Variants in GNB1 observed in about 807,000 individuals in gnomAD.
The protein encoded by GNB1 is G protein subunit beta 1.
In GNB1, 2 loss-of-function variants were observed where a neutral mutation model predicts 42.9. That is an observed-to-expected ratio of 0.05 (90% CI 0.02 to 0.15). The LOEUF (loss-of-function observed/expected upper bound fraction) is 0.15, where lower values mean the gene tolerates loss of function less well. Ranked by LOEUF, GNB1 falls within the 10% of genes least tolerant of loss-of-function variation. The pLI, the probability that GNB1 is intolerant of heterozygous loss-of-function variation, is 1.00. For synonymous variants in GNB1, 183 were observed against 174.7 expected, an observed-to-expected ratio of 1.05 and a Z score of -0.38; for missense variants, 193 against 462.2, an observed-to-expected ratio of 0.42 and a Z score of 5.34.
intron 1 of GNB1, among the ~76,000 whole-genome samples, chr1:1,890,079 G>C (rs999101073): frequency 5.9e-5 from 9 of 152,120 alleles, no homozygotes; most frequent in African/African-American, 1.7e-4. Flanking sequence ...CCATTCATTC[G>C]CGGGGCCGGG....
chr1:1,814,883 C>A (rs1279025347), intron 5 of GNB1, among the ~76,000 whole-genome samples: 1 of 149,750 alleles, frequency 6.7e-6, no homozygotes, highest in African/African-American at 2.5e-5. Context: ...GAGGCCGAGG[C>A]GGGTGGATCG....
At chr1:1,828,477 T>C (rs1041406635) in intron 2 of GNB1, among the ~76,000 whole-genome samples, 6 of 152,076 alleles carry the variant, frequency 3.9e-5, no homozygotes, top group South Asian at 4.2e-4. Context: ...TACACAACAA[T>C]CACCCAGCTG....
intron 1 of GNB1, among the ~76,000 whole-genome samples, chr1:1,885,102 T>C (rs369174142): frequency 3.3e-5 from 5 of 151,868 alleles, no homozygotes; most frequent in Admixed American, 2.0e-4. Context: ...TATGGCAAAA[T>C]AGGTTCAACA....
intron 1 of GNB1, among the ~76,000 whole-genome samples, chr1:1,883,881 GAATT>G (rs996306494): frequency 5.9e-5 from 9 of 151,780 alleles, no homozygotes; most frequent in African/African-American, 2.2e-4. Context: ...TAGATTTTAG[GAATT>G]ATTTTAAAAT....
intron 7 of GNB1, among the ~76,000 whole-genome samples, chr1:1,795,809 T>G (rs1320199612): frequency 6.6e-6 from 1 of 152,186 alleles, no homozygotes; most frequent in Non-Finnish European, 1.5e-5. Context: ...TGTCCCACCC[T>G]GTGCAGGCTG....
chr1:1,808,073 C>T (rs181960355), intron 5 of GNB1, among the ~76,000 whole-genome samples: 4 of 151,816 alleles, frequency 2.6e-5, no homozygotes, highest in East Asian at 1.9e-4. Context: ...AATGGTGCGT[C>T]GGCTCACCGC....
chr1:1,847,915 G>T (rs936457844), intron 1 of GNB1, among the ~76,000 whole-genome samples: 1 of 152,140 alleles, frequency 6.6e-6, no homozygotes, highest in Non-Finnish European at 1.5e-5. Flanking sequence ...GGTGCCAAAC[G>T]ATGAGAAAGA....
intron 1 of GNB1, among the ~76,000 whole-genome samples, chr1:1,845,277 A>G (rs773274459): frequency 6.6e-6 from 1 of 152,200 alleles, no homozygotes; most frequent in Admixed American, 6.5e-5. Context: ...TGGTGGCATA[A>G]TAATGCTTAA....
At chr1:1,861,352 G>C (rs1648616245) in intron 1 of GNB1, among the ~76,000 whole-genome samples, 1 of 151,868 alleles carries the variant, frequency 6.6e-6, no homozygotes. Context: ...CTGTAGCTGA[G>C]GCAGGAGGAT....
At chr1:1,842,681 T>C (rs1357815492) in intron 1 of GNB1, among the ~76,000 whole-genome samples, 1 of 152,170 alleles carries the variant, frequency 6.6e-6, no homozygotes, top group Non-Finnish European at 1.5e-5. Context: ...GGTTTCCTTT[T>C]GAGGTGATGA....
At chr1:1,796,936 TG>T (rs1646554805) in intron 7 of GNB1, among the ~76,000 whole-genome samples, 1 of 152,032 alleles carries the variant, frequency 6.6e-6, no homozygotes, top group African/African-American at 2.4e-5. Context: ...AGGAGAAAGA[TG>T]GGCTCCTGGG....
At chr1:1,888,743 C>A (rs1035827978) in intron 1 of GNB1, among the ~76,000 whole-genome samples, 3 of 152,090 alleles carry the variant, frequency 2.0e-5, no homozygotes, top group African/African-American at 7.2e-5. Flanking sequence ...GAGGCTGAGG[C>A]AAGAGAATCA....
At chr1:1,855,631 G>A (rs1296032622) in intron 1 of GNB1, among the ~76,000 whole-genome samples, 6 of 151,650 alleles carry the variant, frequency 4.0e-5, no homozygotes, top group Admixed American at 1.3e-4. Flanking sequence ...CATGAACCCC[G>A]GGGGGCGGAG....
Position 1,785,885 on chromosome 1 carries a change from G to C in GNB1, c.*1178C>G, listed in dbSNP as rs543005445. On this transcript the variant is annotated 3_prime_UTR_variant, in exon 12 of 12. Transcript: ENST00000378609. ...TAGAGCCGCGCGCTGTACTGCTTCC[G>C]ATATGTGCCACAGAGCAGCAACGAG... The C allele has an allele frequency of 2.5e-6, 1 of 396,800 alleles. No homozygotes were observed. The highest frequency in any genetic ancestry group is 2.1e-5 in the African/African-American group (1 of 48,116). The allele number at this position is 396,800 out of a possible 1,614,324, so 24.6% of individuals were successfully genotyped here. A position where few individuals can be genotyped will look rare whatever the true frequency, so the allele number is the denominator to read the frequency against.
rs559302575 is a variant in GNB1, at chr1:1,787,645, C to T, written c.917-208G>A. 6.6e-6 allele frequency among the ~76,000 whole-genome samples: 1 copy of T among 152,176 alleles called. No individual in the cohort carries two copies. The highest frequency in any genetic ancestry group is 1.5e-5 in the Non-Finnish European group (1 of 68,026). ...TTGTTAAAATTCAAAGACACGCACA[C>T]ACACGCAATCGATAAATCCAGAGCC... is the stretch of plus-strand genomic sequence containing the variant. On this transcript the variant is annotated intron_variant, in intron 10 of 11. Transcript: ENST00000378609. The surrounding 1 kb of genome is among the most constrained non-coding windows in gnomAD (Gnocchi z 4.4).
intron 3 of GNB1, among the ~76,000 whole-genome samples, chr1:1,819,358 G>T (rs546537434): frequency 3.3e-5 from 5 of 151,782 alleles, no homozygotes; most frequent in Non-Finnish European, 7.4e-5. Flanking sequence ...GAGTAGCTGA[G>T]ACCACAGGCG....
At chr1:1,848,089 G>A (rs1488917677) in intron 1 of GNB1, among the ~76,000 whole-genome samples, 1 of 151,978 alleles carries the variant, frequency 6.6e-6, no homozygotes, top group African/African-American at 2.4e-5. Flanking sequence ...TTAGAGAAAT[G>A]AAAAAGCAGG....
intron 5 of GNB1, among the ~76,000 whole-genome samples, chr1:1,807,993 G>A (rs886704932): frequency 6.6e-6 from 1 of 151,586 alleles, no homozygotes; most frequent in African/African-American, 2.4e-5. Flanking sequence ...ACAGGCGGGA[G>A]CCACCACGCC....
intron 1 of GNB1, among the ~76,000 whole-genome samples, chr1:1,851,737 C>T (rs1048108328): frequency 1.3e-5 from 2 of 152,142 alleles, no homozygotes; most frequent in African/African-American, 4.8e-5. Context: ...TGGCAGTAGA[C>T]TGAATGTCTG....
Sources: gnomAD v4.1 joint callset for allele counts (sites outside exome capture counted in the v4.1 genomes callset) on GRCh38, gnomAD v4.1.1 for gene constraint, Gnocchi (gnomAD v3.1) non-coding constraint, MANE v1.5 for transcripts, NCBI Gene and HGNC (gene_info 2026-07-23, HGNC 2026-07-21) for gene names.